The following SH3BP5L variants were observed in gnomAD, a reference collection of about 807,000 sequenced individuals.
SH3BP5L encodes SH3 binding domain protein 5 like.
A neutral mutation model predicts 40.9 loss-of-function variants in SH3BP5L; 16 were observed. That is an observed-to-expected ratio of 0.39 (90% confidence interval 0.27 to 0.59). The LOEUF is 0.59. Among genes scored for constraint, SH3BP5L ranks in the 20% least tolerant of loss-of-function variants. The pLI is 0.53. For missense variants in SH3BP5L, 471 were observed against 544.6 expected (o/e 0.86, Z 1.35); for synonymous variants, 229 against 226.7 (o/e 1.01, Z -0.09).
At chr1:248,825,489 G>A (rs1572188535) in intron 1 of SH3BP5L, 123 bp from the exon 2 acceptor site, 1 of 600,254 alleles carries the variant, frequency 1.7e-6, no homozygotes, top group Non-Finnish European at 2.1e-6. Flanking sequence ...CATGTATTCC[G>A]ACCAGTCCCT....
At chr1:248,819,732 A>G (rs867006139) in intron 2 of SH3BP5L, among the ~76,000 whole-genome samples, 2 of 151,518 alleles carry the variant, frequency 1.3e-5, no homozygotes, top group Non-Finnish European at 2.9e-5. Flanking sequence ...AAAAATCACA[A>G]AAAAAAATCT....
At chr1:248,820,263 A>C (rs1033408846) in intron 2 of SH3BP5L, 1 of 152,378 alleles carries the variant, frequency 6.6e-6, no homozygotes, top group Non-Finnish European at 1.5e-5. Flanking sequence ...GAGGAGGCAT[A>C]GGGTCAGCAT....
Position 248,810,462 on chromosome 1 carries a change from C to G in SH3BP5L, c.*1438G>C, listed in dbSNP as rs1663866698. On this transcript the variant is annotated 3_prime_UTR_variant, in exon 7 of 7. Coordinates refer to ENST00000366472, the MANE Select transcript of SH3BP5L (RefSeq NM_030645.3). ...CAGTAGATGTTAACTGTTACATAAA[C>G]TACTTTATTTAAATAAAACCAGGAA... is the stretch of plus-strand genomic sequence containing the variant. The G allele has an allele frequency of 6.6e-6, 1 of 152,366 alleles. No individual in the cohort carries two copies. The highest frequency in any genetic ancestry group is 6.5e-5 in the Admixed American group (1 of 15,282). The allele number at this position is 152,366 out of a possible 1,614,324, so 9.4% of individuals were successfully genotyped here.
In SH3BP5L at chr1:248,812,233, G is replaced by A. The variant is rs754859644; in HGVS notation, c.849C>T (p.Pro283=). Residue 283 remains proline (P), a synonymous_variant, in exon 7 of 7, where the codon CCC becomes CCT. Transcript: ENST00000366472. The surrounding 1 kb of genome is among the most constrained non-coding windows in gnomAD (Gnocchi z 6.1). The part of the protein sequence containing the change: ...ARRRGGLPPH[P]LGPRRSSPVG... ...CGGGGGAGGAGCGCCGAGGGCCCAG[G>A]GGGTGGGGAGGCAGACCCCCGCGGC... 70 of 1,609,724 alleles carry A rather than the reference G, an allele frequency of 4.3e-5. No homozygotes were observed. Among genetic ancestry groups the A allele is most frequent in the Non-Finnish European group, 5.6e-5 (66 of 1,179,008 alleles).
chr1:248,814,824 G>C, intron 4 of SH3BP5L: 1 of 681,974 alleles, frequency 1.5e-6, no homozygotes, highest in Non-Finnish European at 2.7e-6. Context: ...AATTTTGCCA[G>C]TGGAGGGTAG....
rs1664354407 is a variant in SH3BP5L, at chr1:248,825,372, G to A, written c.-431-6C>T. 9 of 995,364 alleles carry A rather than the reference G, an allele frequency of 9.0e-6. No individual in the cohort carries two copies. Among genetic ancestry groups the A allele is most frequent in the African/African-American group, 1.7e-5 (1 of 57,384 alleles). The allele number at this position is 995,364 out of a possible 1,614,324, so 61.7% of individuals were successfully genotyped here. Reference sequence around the variant, plus strand: ...GGATGAGCGTCTCTGGGGAGCTGCAGAGAAACAAAGGCCAAGTATATGGTC... The same window carrying A: ...GGATGAGCGTCTCTGGGGAGCTGCAAAGAAACAAAGGCCAAGTATATGGTC... On this transcript the variant is annotated splice_polypyrimidine_tract_variant and splice_region_variant and intron_variant, in intron 1 of 6. Coordinates refer to ENST00000366472, the MANE Select transcript of SH3BP5L (RefSeq NM_030645.3).
At position 248,811,453 on chromosome 1, in the gene SH3BP5L, A is replaced by C; in HGVS notation, c.*447T>G. On this transcript the variant is annotated 3_prime_UTR_variant, in exon 7 of 7. Transcript: ENST00000366472. ...CCTTGGGAAGGGGGGCGGGGCTGGA[A>C]ACCAACGGGAGGGGTGACTGTCCAT... The C allele has an allele frequency of 6.2e-6, 1 of 160,714 alleles. No homozygotes were observed. Among genetic ancestry groups the C allele is most frequent in the Non-Finnish European group, 1.3e-5 (1 of 74,136 alleles). 10.0% of individuals were successfully genotyped at this position (160,714 alleles called of 1,614,324 possible).
intron 2 of SH3BP5L, among the ~76,000 whole-genome samples, chr1:248,817,781 A>G (rs1487214296): frequency 1.3e-5 from 2 of 151,920 alleles, no homozygotes; most frequent in African/African-American, 4.8e-5. Flanking sequence ...TGAACCTGGG[A>G]GGCAGAGGCT....
At position 248,811,931 on chromosome 1, in the gene SH3BP5L, C is replaced by G; in HGVS notation, c.1151G>C (p.Gly384Ala). The change falls in exon 7 of 7, where the codon GGG becomes GCG. Residue 384 changes from glycine to alanine, a missense_variant. Around this residue, in one of 2 missense-constraint regions of SH3BP5L, gnomAD observed 196 missense variants for 174.6 expected, o/e 1.12. Transcript: ENST00000366472. ...GCTGACGCTGCGCTGGTGCCGACCC[C>G]CACGGGCTCCGCCGTCGCTGCCCCG... ...GRRGSDGGAR[G>A]GRHQRSVSL The G allele has an allele frequency of 2.6e-6, 4 of 1,549,644 alleles. No individual in the cohort carries two copies. The highest frequency in any genetic ancestry group is 3.5e-6 in the Non-Finnish European group (4 of 1,146,552).
chr1:248,814,405 G>A, intron 5 of SH3BP5L, 44 bp downstream of exon 5: 1 of 1,607,176 alleles, frequency 6.2e-7, no homozygotes, highest in Non-Finnish European at 8.5e-7. Flanking sequence ...GCAAAGGATG[G>A]ACGAGAACCA....
Position 248,825,881 on chromosome 1 carries a change from T to TTCC in SH3BP5L, c.-479_-478insGGA. The TTCC allele has an allele frequency of 4.2e-6, 4 of 941,906 alleles. No homozygotes were observed. Among genetic ancestry groups the TTCC allele is most frequent in the Non-Finnish European group, 5.0e-6 (4 of 794,254 alleles). The allele number at this position is 941,906 out of a possible 1,614,324, so 58.3% of individuals were successfully genotyped here. On this transcript the variant is annotated 5_prime_UTR_variant, in exon 1 of 7. Transcript: ENST00000366472. The stretch of plus-strand genomic sequence containing the variant: ...CGGAGCTTCTATGCTGCAAACAATC[T>TTCC]CCCCCCCTCCCTCCCCGCAACAAGC...
intron 1 of SH3BP5L, 159 bp downstream of exon 1, chr1:248,825,676 G>C (rs1278577913): frequency 5.4e-6 from 1 of 185,054 alleles, no homozygotes; most frequent in Non-Finnish European, 1.0e-5. Flanking sequence ...GCCCGGCTTT[G>C]CGATTCACCT....
intron 2 of SH3BP5L, among the ~76,000 whole-genome samples, 168 bp downstream of exon 2, chr1:248,824,585 C>G (rs1664327262): frequency 6.6e-6 from 1 of 152,228 alleles, no homozygotes; most frequent in African/African-American, 2.4e-5. Flanking sequence ...ACACACAACT[C>G]TTTTGGAACT....
At chr1:248,818,257 A>AAAATGG (rs1471117002) in intron 2 of SH3BP5L, among the ~76,000 whole-genome samples, 1 of 152,104 alleles carries the variant, frequency 6.6e-6, no homozygotes, top group Non-Finnish European at 1.5e-5. Context: ...CCGAGGCACG[A>AAAATGG]AAATGGCTTG....
intron 2 of SH3BP5L, among the ~76,000 whole-genome samples, chr1:248,819,363 T>A (rs1325614760): frequency 2.1e-5 from 3 of 141,938 alleles, no homozygotes. Flanking sequence ...GGGCCACACA[T>A]AAAATACACT....
chr1:248,818,917 G>A (rs1038659149), intron 2 of SH3BP5L, among the ~76,000 whole-genome samples: 1 of 152,234 alleles, frequency 6.6e-6, no homozygotes, highest in African/African-American at 2.4e-5. Flanking sequence ...AGCCCAGCAT[G>A]TGCCTGCTGC....
rs1558224772 is a variant in SH3BP5L, at chr1:248,811,617, G to A, written c.*283C>T. On this transcript the variant is annotated 3_prime_UTR_variant, in exon 7 of 7. Coordinates refer to ENST00000366472, the MANE Select transcript of SH3BP5L (RefSeq NM_030645.3). ...CAGAAAGGGAAAGCAAAGGGTCAAT[G>A]CCCTGCAGATCGTGATGAGCTGGCA... is the stretch of plus-strand genomic sequence containing the variant. 1 of 468,502 alleles carries A rather than the reference G, an allele frequency of 2.1e-6. No individual in the cohort carries two copies. Among genetic ancestry groups the A allele is most frequent in the Non-Finnish European group, 3.8e-6 (1 of 264,788 alleles). 29.0% of individuals were successfully genotyped at this position (468,502 alleles called of 1,614,324 possible).
At chr1:248,824,109 C>T (rs182600327) in intron 2 of SH3BP5L, among the ~76,000 whole-genome samples, 1 of 152,260 alleles carries the variant, frequency 6.6e-6, no homozygotes, top group East Asian at 1.9e-4. Flanking sequence ...TTTAGGAGAC[C>T]CACTATCCTG....
Position 248,825,245 on chromosome 1 carries a change from C to G in SH3BP5L, c.-310G>C, listed in dbSNP as rs572460553. 2 of 1,100,736 alleles carry G rather than the reference C, an allele frequency of 1.8e-6. No individual in the cohort carries two copies. Among genetic ancestry groups the G allele is most frequent in the East Asian group, 1.3e-4 (2 of 15,668 alleles). The allele number at this position is 1,100,736 out of a possible 1,614,324, so 68.2% of individuals were successfully genotyped here. On this transcript the variant is annotated 5_prime_UTR_variant, in exon 2 of 7. Coordinates refer to ENST00000366472, the MANE Select transcript of SH3BP5L (RefSeq NM_030645.3). ...GGCAAAGGGGGCTTGGATCCTGGACCGAGGCCTGCTAGGAGGAGCACCATT... is the reference window on the plus strand; with the variant it reads ...GGCAAAGGGGGCTTGGATCCTGGACGGAGGCCTGCTAGGAGGAGCACCATT...
Sources: gnomAD v4.1 joint callset for allele counts (sites outside exome capture counted in the v4.1 genomes callset) on GRCh38, gnomAD v4.1.1 for gene constraint, gnomAD v4.1.1 regional missense constraint, Gnocchi (gnomAD v3.1) non-coding constraint, MANE v1.5 for transcripts, NCBI Gene and HGNC (gene_info 2026-07-23, HGNC 2026-07-21) for gene names.